The following PTPRT variants were observed in gnomAD, a reference collection of about 807,000 sequenced individuals.
PTPRT encodes receptor-type tyrosine-protein phosphatase T.
PTPRT carries 56 observed loss-of-function variants against 176.8 expected under a neutral mutation model. That is an observed-to-expected ratio of 0.32 (90% CI 0.26 to 0.40). The LOEUF is 0.40. Among genes scored for constraint, PTPRT ranks in the 10% least tolerant of loss-of-function variants. The pLI is 1.00. For missense variants in PTPRT, 1,540 were observed against 1,908.2 expected (o/e 0.81, Z 3.60); for synonymous variants, 783 against 739.0 (o/e 1.06, Z -0.96).
chr20:42,962,132 T>G (rs1451076680), intron 1 of PTPRT, among the ~76,000 whole-genome samples: 1 of 152,176 alleles, frequency 6.6e-6, no homozygotes, highest in African/African-American at 2.4e-5. Flanking sequence ...ACAGCAGCAG[T>G]AGGAAACTAA....
intron 7 of PTPRT, among the ~76,000 whole-genome samples, chr20:42,591,137 A>T (rs956407366): frequency 3.3e-5 from 5 of 152,184 alleles, no homozygotes; most frequent in South Asian, 2.1e-4. Flanking sequence ...TTAGAAAGAA[A>T]ATAATTTTGT....
intron 9 of PTPRT, among the ~76,000 whole-genome samples, chr20:42,373,952 G>T (rs776059818): frequency 1.3e-5 from 2 of 152,202 alleles, no homozygotes; most frequent in African/African-American, 2.4e-5. Flanking sequence ...CCTGAGCTGA[G>T]GCCAGAGGGT....
intron 19 of PTPRT, among the ~76,000 whole-genome samples, chr20:42,127,256 T>C (rs1238530945): frequency 2.0e-5 from 3 of 152,318 alleles, no homozygotes; most frequent in Admixed American, 6.5e-5. Context: ...GACTGGACTA[T>C]GGCAGGCCTG....
intron 11 of PTPRT, among the ~76,000 whole-genome samples, chr20:42,322,423 T>C (rs1310363762): frequency 7.9e-6 from 1 of 126,588 alleles, no homozygotes; most frequent in Non-Finnish European, 1.6e-5. Context: ...TATAGATCAA[T>C]GGAACAGAAC....
intron 1 of PTPRT, among the ~76,000 whole-genome samples, chr20:42,915,471 CA>C (rs1190468710): frequency 2.0e-5 from 3 of 152,204 alleles, no homozygotes; most frequent in African/African-American, 4.8e-5. Flanking sequence ...AATCTACGTG[CA>C]TCTTCAGAGA....
At chr20:42,614,374 G>A (rs2074027968) in intron 7 of PTPRT, among the ~76,000 whole-genome samples, 1 of 152,138 alleles carries the variant, frequency 6.6e-6, no homozygotes, top group Non-Finnish European at 1.5e-5. Context: ...CAGAGGGTTA[G>A]GACTTCAACA....
intron 27 of PTPRT, among the ~76,000 whole-genome samples, chr20:42,094,645 T>G (rs1985005506): frequency 6.6e-6 from 1 of 152,122 alleles, no homozygotes; most frequent in Admixed American, 6.5e-5. Context: ...ACCCCAGCAC[T>G]TTGGGAGGCC....
At chr20:42,827,032 C>T (rs1012585272) in intron 2 of PTPRT, among the ~76,000 whole-genome samples, 1 of 151,960 alleles carries the variant, frequency 6.6e-6, no homozygotes, top group African/African-American at 2.4e-5. Flanking sequence ...ATATACACAC[C>T]CAACACAGGA....
intron 1 of PTPRT, among the ~76,000 whole-genome samples, chr20:42,907,485 TC>T (rs2145927155): frequency 6.6e-6 from 1 of 152,198 alleles, no homozygotes; most frequent in Non-Finnish European, 1.5e-5. Flanking sequence ...AATGTTTTTC[TC>T]ATTGACTTGG....
intron 1 of PTPRT, among the ~76,000 whole-genome samples, chr20:42,925,698 C>T (rs1053788069): frequency 1.3e-5 from 2 of 152,146 alleles, no homozygotes; most frequent in African/African-American, 4.8e-5. Flanking sequence ...AGGCCCTGCC[C>T]CCTTGGGTTT....
chr20:42,248,611 G>T, intron 14 of PTPRT, 76 bp downstream of exon 14: 1 of 1,546,194 alleles, frequency 6.5e-7, no homozygotes, highest in Non-Finnish European at 8.8e-7. Context: ...GATCAACAGA[G>T]CAAAAACCTG....
chr20:42,703,395 A>G (rs1238241903), intron 6 of PTPRT, among the ~76,000 whole-genome samples: 2 of 152,234 alleles, frequency 1.3e-5, no homozygotes, highest in African/African-American at 2.4e-5. Context: ...GAGGAAAGAA[A>G]AGAAAAAAGA....
intron 1 of PTPRT, among the ~76,000 whole-genome samples, chr20:42,979,454 C>T (rs151229014): frequency 7.7e-4 from 118 of 152,264 alleles, no homozygotes; most frequent in African/African-American, 2.7e-3. Flanking sequence ...CCTTGCTCCC[C>T]GTAAAATCAA....
intron 13 of PTPRT, among the ~76,000 whole-genome samples, chr20:42,262,242 A>G (rs1203787595): frequency 6.6e-6 from 1 of 152,176 alleles, no homozygotes; most frequent in Non-Finnish European, 1.5e-5. Context: ...CAAAGGATGG[A>G]TGGAAAAGCA....
intron 1 of PTPRT, among the ~76,000 whole-genome samples, chr20:43,137,374 C>G (rs6065580): frequency 1.3e-5 from 2 of 152,224 alleles, no homozygotes; most frequent in African/African-American, 4.8e-5. Flanking sequence ...GCCATGCCTA[C>G]TAATTTCCAT....
intron 16 of PTPRT, among the ~76,000 whole-genome samples, chr20:42,191,167 A>G (rs568076079): frequency 7.0e-6 from 1 of 142,202 alleles, no homozygotes; most frequent in Non-Finnish European, 1.5e-5. Context: ...GGCTGACACA[A>G]CCAGAAATAA....
intron 2 of PTPRT, among the ~76,000 whole-genome samples, chr20:42,878,743 C>T (rs529899885): frequency 1.3e-4 from 20 of 152,248 alleles, no homozygotes; most frequent in African/African-American, 3.9e-4. Context: ...AAGAAAGCAA[C>T]GCTGGCCGGG....
chr20:42,737,564 G>A (rs558287248), intron 6 of PTPRT, among the ~76,000 whole-genome samples: 17 of 151,728 alleles, frequency 1.1e-4, no homozygotes, highest in African/African-American at 3.6e-4. Flanking sequence ...CCCGGGAGAC[G>A]GAGGTTGCAG....
chr20:42,694,944 G>C (rs902079090), intron 6 of PTPRT, among the ~76,000 whole-genome samples: 6 of 152,132 alleles, frequency 3.9e-5, no homozygotes, highest in Non-Finnish European at 5.9e-5. Flanking sequence ...CAGAGCTCCT[G>C]GCTGTCTTCA....
Sources: gnomAD v4.1 joint callset for allele counts (sites outside exome capture counted in the v4.1 genomes callset) on GRCh38, gnomAD v4.1.1 for gene constraint, MANE v1.5 for transcripts, NCBI Gene and HGNC (gene_info 2026-07-23, HGNC 2026-07-21) for gene names.